The following DOT1L variants were observed in gnomAD, a reference collection of about 807,000 sequenced individuals.
DOT1L encodes the protein DOT1 like histone lysine methyltransferase.
In DOT1L, 33 loss-of-function variants were observed where a neutral mutation model predicts 153.3. The ratio of observed to expected loss-of-function variants is 0.22; its 90% CI spans 0.16 to 0.29. The LOEUF (loss-of-function observed/expected upper bound fraction) is 0.29. Ranked by LOEUF, DOT1L falls within the 10% of genes least tolerant of loss-of-function variation. The pLI, the probability that DOT1L is intolerant of heterozygous loss-of-function variation, is 1.00. For synonymous variants in DOT1L, 1,135 were observed against 965.1 expected, an observed-to-expected ratio of 1.18 and a Z score of -3.26; for missense variants, 1,847 against 2,119.9, an observed-to-expected ratio of 0.87 and a Z score of 2.53.
chr19:2,219,777 C>G (rs2024042084), intron 22 of DOT1L, among the ~76,000 whole-genome samples: 1 of 152,196 alleles, frequency 6.6e-6, no homozygotes, highest in African/African-American at 2.4e-5. Flanking sequence ...GCTTGGAGAA[C>G]ACAGCCGCTT....
At chr19:2,165,649 T>C (rs796359894) in intron 1 of DOT1L, among the ~76,000 whole-genome samples, 4 of 152,386 alleles carry the variant, frequency 2.6e-5, no homozygotes, top group Non-Finnish European at 5.9e-5. Flanking sequence ...TTCTCTCTGT[T>C]GGGCTCTCAT....
intron 27 of DOT1L, chr19:2,227,975 G>A (rs1433804703): frequency 2.4e-6 from 3 of 1,247,262 alleles, no homozygotes; most frequent in African/African-American, 1.6e-5. Context: ...CCGCGGGGCC[G>A]CCCGTCCTCC....
chr19:2,173,742 G>C (rs2021770510), intron 1 of DOT1L, among the ~76,000 whole-genome samples: 1 of 152,226 alleles, frequency 6.6e-6, no homozygotes, highest in Non-Finnish European at 1.5e-5. Context: ...CAGCTCATAA[G>C]TGTGAACCTT....
chr19:2,199,815 C>T lies in DOT1L; in HGVS notation c.652-69C>T, dbSNP rs117020388. The T allele has an allele frequency of 3.6e-3, 5,112 of 1,415,850 alleles. 107 individuals are homozygous for T. The East Asian group carries it at 0.082, about 23-fold the overall frequency. 87.7% of individuals were successfully genotyped at this position (1,415,850 alleles called of 1,614,324 possible). On this transcript the variant is annotated intron_variant, in intron 7 of 27. Coordinates refer to ENST00000398665, the MANE Select transcript of DOT1L (RefSeq NM_032482.3). ...CTGTGTTCATTCCATTCTTTCTTCA[C>T]AGGGGCTGGGCGGGCTGGGAGTGCC...
chr19:2,221,863 A>G (rs2024128520), intron 23 of DOT1L, 113 bp from the exon 24 acceptor site: 1 of 1,138,976 alleles, frequency 8.8e-7, no homozygotes, highest in Non-Finnish European at 1.2e-6. Flanking sequence ...CCCCTTCCCC[A>G]CTTCCCCGCC....
At chr19:2,225,260 C>A in intron 25 of DOT1L, 128 bp from the exon 26 acceptor site, 1 of 898,948 alleles carries the variant, frequency 1.1e-6, no homozygotes, top group Non-Finnish European at 1.8e-6. Flanking sequence ...CTGCACGGGT[C>A]CCCTGTCTGG....
chr19:2,230,981 C>G lies in DOT1L; in HGVS notation c.*1189C>G. On this transcript the variant is annotated 3_prime_UTR_variant, in exon 28 of 28. Transcript: ENST00000398665. ...GGTGCACTGCTGAAACCTGGCCTCT[C>G]TGGCCCTAGGCCCCAGGGTGACGTC... 1 of 248,090 alleles carries G rather than the reference C, an allele frequency of 4.0e-6. No individual in the cohort carries two copies. The highest frequency in any genetic ancestry group is 7.8e-6 in the Non-Finnish European group (1 of 128,936). 15.4% of individuals were successfully genotyped at this position (248,090 alleles called of 1,614,324 possible).
At chr19:2,227,228 C>T (rs1344431460) in intron 27 of DOT1L, 101 bp downstream of exon 27, 1 of 1,459,306 alleles carries the variant, frequency 6.9e-7, no homozygotes, top group Admixed American at 1.7e-5. Flanking sequence ...AGGAGCTGAG[C>T]TGCAGGTCCC....
At chr19:2,175,734 A>G (rs1460977074) in intron 1 of DOT1L, among the ~76,000 whole-genome samples, 1 of 152,094 alleles carries the variant, frequency 6.6e-6, no homozygotes, top group African/African-American at 2.4e-5. Flanking sequence ...GGAGGCTGAG[A>G]CGGGAAAATC....
At chr19:2,202,906 G>A (rs1358290114) in intron 9 of DOT1L, 127 bp downstream of exon 9, 2 of 848,270 alleles carry the variant, frequency 2.4e-6, no homozygotes, top group African/African-American at 1.7e-5. Context: ...TTGGAGCCAG[G>A]TGGTCTTCCT....
chr19:2,176,648 G>A (rs920490573), intron 1 of DOT1L, among the ~76,000 whole-genome samples: 1 of 152,206 alleles, frequency 6.6e-6, no homozygotes, highest in Admixed American at 6.5e-5. Context: ...TAGGAAGGGG[G>A]ACTTGGGCCG....
intron 3 of DOT1L, among the ~76,000 whole-genome samples, chr19:2,187,638 A>T (rs1413801887): frequency 6.6e-6 from 1 of 152,218 alleles, no homozygotes; most frequent in Non-Finnish European, 1.5e-5. Flanking sequence ...GTGGAAACAC[A>T]GGGGCTGGGC....
intron 27 of DOT1L, chr19:2,228,127 C>T (rs773606769): frequency 7.3e-6 from 10 of 1,363,380 alleles, no homozygotes; most frequent in South Asian, 6.8e-5. Context: ...GCCTCTCTGC[C>T]GCCTGCTAAC....
intron 17 of DOT1L, 60 bp downstream of exon 17, chr19:2,213,700 A>G: frequency 2.5e-6 from 4 of 1,606,076 alleles, no homozygotes; most frequent in Non-Finnish European, 3.4e-6. Flanking sequence ...GGGGTGGTCC[A>G]TGTCCGTCGG....
intron 25 of DOT1L, among the ~76,000 whole-genome samples, chr19:2,224,658 G>A (rs1008442039): frequency 1.3e-5 from 2 of 151,982 alleles, no homozygotes; most frequent in Non-Finnish European, 2.9e-5. Flanking sequence ...TATAGAGATC[G>A]GGTTTTGCCA....
At position 2,225,381 on chromosome 19, in the gene DOT1L, T is replaced by G; in HGVS notation, c.3597-7T>G. The G allele has an allele frequency of 3.1e-6, 5 of 1,613,978 alleles. No individual in the cohort carries two copies. The highest frequency in any genetic ancestry group is 4.2e-6 in the Non-Finnish European group (5 of 1,179,842). Reference sequence around the variant, plus strand: ...TTCAAGCATTAATGACCTTTTTTTCTTAACAGAATTGAGAGAAAAATTGCA... The same window carrying G: ...TTCAAGCATTAATGACCTTTTTTTCGTAACAGAATTGAGAGAAAAATTGCA... On this transcript the variant is annotated splice_region_variant and splice_polypyrimidine_tract_variant and intron_variant, in intron 25 of 27. Transcript: ENST00000398665.
chr19:2,199,971 G>C, intron 8 of DOT1L, 32 bp downstream of exon 8: 1 of 1,611,466 alleles, frequency 6.2e-7, no homozygotes, highest in South Asian at 1.1e-5. Flanking sequence ...CAGGGCATGT[G>C]GGGTGTGCGC....
In DOT1L at chr19:2,193,249, C is replaced by A. The variant is rs528468928; in HGVS notation, c.494-440C>A. 1.1e-4 allele frequency among the ~76,000 whole-genome samples: 17 copies of A among 152,216 alleles called. No homozygotes were observed. The highest frequency in any genetic ancestry group is 2.4e-4 in the Non-Finnish European group (16 of 68,038). On this transcript the variant is annotated intron_variant, in intron 5 of 27. Coordinates refer to ENST00000398665, the MANE Select transcript of DOT1L (RefSeq NM_032482.3). The surrounding 1 kb of genome is among the most constrained non-coding windows in gnomAD (Gnocchi z 5.9). ...ACCCTACATTGAGCCTCAGTCAGAT[C>A]CTGCTCATGAGCCTTCCTGGGGTGC...
At position 2,214,468 on chromosome 19, in the gene DOT1L, C is replaced by A; in HGVS notation, c.1798-3C>A. On this transcript the variant is annotated splice_region_variant and splice_polypyrimidine_tract_variant and intron_variant, in intron 18 of 27. Transcript: ENST00000398665. Reference sequence around the variant, plus strand: ...CGCAACTGTCCCATCCCTATCCCCTCAGCTCAAGGCTCGCTGCGAGGAGCT... The same window carrying A: ...CGCAACTGTCCCATCCCTATCCCCTAAGCTCAAGGCTCGCTGCGAGGAGCT... 8 of 1,612,660 alleles carry A rather than the reference C, an allele frequency of 5.0e-6. No homozygotes were observed. The highest frequency in any genetic ancestry group is 5.9e-6 in the Non-Finnish European group (7 of 1,179,730).
Sources: gnomAD v4.1 joint callset for allele counts (sites outside exome capture counted in the v4.1 genomes callset) on GRCh38, gnomAD v4.1.1 for gene constraint, Gnocchi (gnomAD v3.1) non-coding constraint, MANE v1.5 for transcripts, NCBI Gene and HGNC (gene_info 2026-07-23, HGNC 2026-07-21) for gene names.